Variants in KCNIP4 observed in about 807,000 individuals in gnomAD.
The protein encoded by KCNIP4 is Kv channel-interacting protein 4.
A neutral mutation model predicts 34.0 loss-of-function variants in KCNIP4; 12 were observed. The observed-to-expected ratio is 0.35, with a 90% CI of 0.23 to 0.57. The LOEUF (loss-of-function observed/expected upper bound fraction) is 0.57. Among genes scored for constraint, KCNIP4 ranks in the 20% least tolerant of loss-of-function variants. The pLI is 0.83. For missense variants in KCNIP4, 238 were observed against 311.7 expected (o/e 0.76, Z 1.78); for synonymous variants, 124 against 102.2 (o/e 1.21, Z -1.29).
intron 1 of KCNIP4, among the ~76,000 whole-genome samples, chr4:20,963,333 CAA>C (rs33923102): frequency 0.02 from 2,896 of 147,916 alleles, 97 homozygotes; most frequent in African/African-American, 0.068. Context: ...TCTCAAAAAA[CAA>C]AAAAAAAAAC....
At chr4:21,424,099 G>T (rs189896641) in intron 1 of KCNIP4, among the ~76,000 whole-genome samples, 2 of 151,242 alleles carry the variant, frequency 1.3e-5, no homozygotes, top group Non-Finnish European at 2.9e-5. Context: ...GATTACAGGC[G>T]TGAGCCACCA....
At chr4:20,959,717 C>T (rs1280149873) in intron 1 of KCNIP4, among the ~76,000 whole-genome samples, 2 of 152,128 alleles carry the variant, frequency 1.3e-5, no homozygotes, top group Non-Finnish European at 2.9e-5. Flanking sequence ...TCTCTTCCCA[C>T]CTTGAACCCT....
chr4:21,830,485 G>C (rs1473296110), intron 1 of KCNIP4, among the ~76,000 whole-genome samples: 1 of 151,990 alleles, frequency 6.6e-6, no homozygotes, highest in African/African-American at 2.4e-5. Flanking sequence ...AGACCAGCCT[G>C]ACCAACACAA....
At chr4:20,783,303 C>G (rs1757024718) in intron 3 of KCNIP4, among the ~76,000 whole-genome samples, 1 of 152,162 alleles carries the variant, frequency 6.6e-6, no homozygotes, top group South Asian at 2.1e-4. Flanking sequence ...TTTCAGGTAT[C>G]TTTTCAGCAA....
intron 1 of KCNIP4, among the ~76,000 whole-genome samples, chr4:21,739,020 G>A (rs1716216664): frequency 6.6e-6 from 1 of 152,102 alleles, no homozygotes. Flanking sequence ...AGCAATTAAG[G>A]AGTGAAAGAC....
intron 1 of KCNIP4, among the ~76,000 whole-genome samples, chr4:21,573,380 C>A (rs1014347638): frequency 3.3e-5 from 5 of 152,044 alleles, no homozygotes; most frequent in Non-Finnish European, 7.4e-5. Context: ...TTCATGCTCC[C>A]CATTTTTCTC....
intron 1 of KCNIP4, among the ~76,000 whole-genome samples, chr4:21,176,552 CT>C (rs1291010937): frequency 2.0e-5 from 3 of 152,184 alleles, no homozygotes; most frequent in Admixed American, 6.5e-5. Context: ...AGTTTTCACT[CT>C]TATTGCCCAG....
intron 1 of KCNIP4, among the ~76,000 whole-genome samples, chr4:21,765,347 G>A (rs1447323407): frequency 1.3e-5 from 2 of 151,946 alleles, no homozygotes; most frequent in South Asian, 2.1e-4. Context: ...TATTAACTAT[G>A]TTAATGGTAC....
intron 1 of KCNIP4, among the ~76,000 whole-genome samples, chr4:21,838,535 C>T (rs1530816): frequency 0.46 from 70,380 of 151,968 alleles, 17,013 homozygotes; most frequent in East Asian, 0.65. Context: ...TTCTGGTTAC[C>T]CGTTGGTCTA....
intron 1 of KCNIP4, among the ~76,000 whole-genome samples, chr4:20,956,295 G>A (rs143114356): frequency 0.011 from 1,621 of 152,258 alleles, 33 homozygotes; most frequent in African/African-American, 0.037. Flanking sequence ...ACGAGGTCAG[G>A]AGATTGAGAC....
chr4:21,618,835 C>A (rs896999706), intron 1 of KCNIP4, among the ~76,000 whole-genome samples: 1 of 151,582 alleles, frequency 6.6e-6, no homozygotes, highest in African/African-American at 2.4e-5. Context: ...GGATTTCACC[C>A]TCTTAGCCAG....
intron 1 of KCNIP4, among the ~76,000 whole-genome samples, chr4:21,051,680 T>C (rs1742946832): frequency 6.6e-6 from 1 of 152,210 alleles, no homozygotes; most frequent in African/African-American, 2.4e-5. Context: ...AAAACTTTAA[T>C]TGTAACCTTT....
chr4:20,741,193 C>A (rs1488037988), intron 5 of KCNIP4, among the ~76,000 whole-genome samples: 1 of 152,140 alleles, frequency 6.6e-6, no homozygotes, highest in Non-Finnish European at 1.5e-5. Flanking sequence ...ATATCCAGGA[C>A]TTGAACTCAG....
At chr4:21,435,071 T>C (rs982316751) in intron 1 of KCNIP4, among the ~76,000 whole-genome samples, 3 of 152,202 alleles carry the variant, frequency 2.0e-5, no homozygotes, top group East Asian at 1.9e-4. Context: ...TACAGCATCA[T>C]TGAAAACAGG....
chr4:21,034,267 C>T (rs73245220), intron 1 of KCNIP4, among the ~76,000 whole-genome samples: 3,017 of 152,136 alleles, frequency 0.02, 44 homozygotes, highest in Non-Finnish European at 0.028. Flanking sequence ...TATATATAAC[C>T]CTGAAGCTTC....
At chr4:21,417,700 T>G (rs752540261) in intron 1 of KCNIP4, among the ~76,000 whole-genome samples, 10 of 152,136 alleles carry the variant, frequency 6.6e-5, no homozygotes, top group Non-Finnish European at 8.8e-5. Context: ...TGTCATGAAG[T>G]AGTCCTCGGA....
chr4:21,211,227 T>C (rs191288617), intron 1 of KCNIP4, among the ~76,000 whole-genome samples: 19 of 152,308 alleles, frequency 1.2e-4, no homozygotes, highest in Admixed American at 9.2e-4. Context: ...TTATTATTTC[T>C]CCCATATCTA....
chr4:21,520,519 C>A (rs539253230), intron 1 of KCNIP4, among the ~76,000 whole-genome samples: 1 of 152,272 alleles, frequency 6.6e-6, no homozygotes, highest in African/African-American at 2.4e-5. Flanking sequence ...AATAATGTCT[C>A]TGCTTTTACA....
chr4:20,754,834 G>C (rs570657804), intron 4 of KCNIP4, among the ~76,000 whole-genome samples: 1 of 152,244 alleles, frequency 6.6e-6, no homozygotes, highest in Admixed American at 6.5e-5. Context: ...CTCTATCCAA[G>C]TTTTAGTATG....
Sources: allele counts gnomAD v4.1 joint callset (sites outside exome capture counted in the v4.1 genomes callset), GRCh38; gene constraint gnomAD v4.1.1; transcripts MANE v1.5; gene names NCBI Gene and HGNC (gene_info 2026-07-23, HGNC 2026-07-21).